The following HS6ST3 variants were observed in gnomAD, a reference collection of about 807,000 sequenced individuals.
HS6ST3 encodes heparan sulfate 6-O-sulfotransferase 3, also known as heparan-sulfate 6-O-sulfotransferase 3.
A neutral mutation model predicts 36.7 loss-of-function variants in HS6ST3; 12 were observed. The ratio of observed to expected loss-of-function variants is 0.33; its 90% CI spans 0.21 to 0.53. HS6ST3 has a LOEUF of 0.53. HS6ST3 is among the 20% of genes least tolerant of loss of function. The pLI, the probability that HS6ST3 is intolerant of heterozygous loss-of-function variation, is 0.95. For synonymous variants in HS6ST3, 240 were observed against 257.5 expected (o/e 0.93, Z 0.65); for missense variants, 584 against 640.9 (o/e 0.91, Z 0.96).
intron 1 of HS6ST3, among the ~76,000 whole-genome samples, chr13:96,786,261 C>T (rs1440001271): frequency 6.6e-6 from 1 of 152,176 alleles, no homozygotes; most frequent in Non-Finnish European, 1.5e-5. Context: ...CTCAGACCCT[C>T]TAACTAAAGC....
chr13:96,163,169 C>CA (rs2054144085), intron 1 of HS6ST3, among the ~76,000 whole-genome samples: 1 of 145,800 alleles, frequency 6.9e-6, no homozygotes, highest in Non-Finnish European at 1.5e-5. Flanking sequence ...TATGTAAGTA[C>CA]AATATTTTTT....
chr13:96,111,019 A>G (rs1447056192), intron 1 of HS6ST3, among the ~76,000 whole-genome samples: 1 of 152,154 alleles, frequency 6.6e-6, no homozygotes, highest in African/African-American at 2.4e-5. Flanking sequence ...ATAAAGATAT[A>G]CCATAGGTGA....
chr13:96,694,000 G>A (rs113389516), intron 1 of HS6ST3, among the ~76,000 whole-genome samples: 9 of 152,156 alleles, frequency 5.9e-5, no homozygotes, highest in East Asian at 1.9e-4. Flanking sequence ...TTAGTTTCCC[G>A]TCTATAGTTT....
intron 1 of HS6ST3, among the ~76,000 whole-genome samples, chr13:96,440,306 G>T (rs1407507194): frequency 1.3e-5 from 2 of 152,062 alleles, no homozygotes; most frequent in Non-Finnish European, 2.9e-5. Context: ...AATTAGCCAG[G>T]CATAGTGGCG....
rs67527212 is a variant in HS6ST3, at chr13:96,809,296, C to A, written c.708-23194C>A. ...AATTATGTTTGGCAGATTTAAGCAA[C>A]CCCAGAAAAGATTCAGGCTAGGAAT... On this transcript the variant is annotated intron_variant, in intron 1 of 1. Coordinates refer to ENST00000376705, the MANE Select transcript of HS6ST3 (RefSeq NM_153456.4). 9.1e-3 allele frequency among the ~76,000 whole-genome samples: 1,387 copies of A among 152,114 alleles called. 27 individuals carry two copies. Among genetic ancestry groups the A allele is most frequent in the African/African-American group, 0.032 (1,313 of 41,486 alleles).
At chr13:96,577,945 A>G (rs531376679) in intron 1 of HS6ST3, among the ~76,000 whole-genome samples, 5 of 152,354 alleles carry the variant, frequency 3.3e-5, no homozygotes, top group African/African-American at 1.2e-4. Context: ...CTTTTTAATT[A>G]CATTTTATTG....
At position 96,830,216 on chromosome 13, in the gene HS6ST3, A is replaced by G. The variant is rs114568094; in HGVS notation, c.708-2274A>G. On this transcript the variant is annotated intron_variant, in intron 1 of 1. Transcript: ENST00000376705. Reference sequence around the variant, plus strand: ...TAGGCTAAGCTATGATGTTTGGTAGATTAAGTGTACTCAATGCACTTTCAA... The same window carrying G: ...TAGGCTAAGCTATGATGTTTGGTAGGTTAAGTGTACTCAATGCACTTTCAA... Among the ~76,000 whole-genome samples the G allele has an allele frequency of 5.5e-3, 836 of 152,318 alleles. 6 individuals are homozygous for G. The highest frequency in any genetic ancestry group is 0.018 in the African/African-American group (761 of 41,572).
At chr13:96,265,249 C>G (rs2054686102) in intron 1 of HS6ST3, among the ~76,000 whole-genome samples, 1 of 152,004 alleles carries the variant, frequency 6.6e-6, no homozygotes, top group African/African-American at 2.4e-5. Context: ...GATCATGGCT[C>G]ACTGTAGCCT....
intron 1 of HS6ST3, among the ~76,000 whole-genome samples, chr13:96,328,782 T>G (rs2139419150): frequency 6.6e-6 from 1 of 152,334 alleles, no homozygotes; most frequent in Admixed American, 6.5e-5. Context: ...GTACCTCTGG[T>G]AGAATTCGGC....
intron 1 of HS6ST3, among the ~76,000 whole-genome samples, chr13:96,532,800 A>G (rs1248159948): frequency 6.6e-6 from 1 of 152,180 alleles, no homozygotes; most frequent in Non-Finnish European, 1.5e-5. Context: ...GCTACAGGAG[A>G]AAATTTGTGC....
chr13:96,221,816 G>A (rs2054457045), intron 1 of HS6ST3, among the ~76,000 whole-genome samples: 1 of 152,148 alleles, frequency 6.6e-6, no homozygotes, highest in Admixed American at 6.5e-5. Context: ...CCTATGTACT[G>A]GAGTACTGGG....
At chr13:96,524,060 T>C (rs2056104286) in intron 1 of HS6ST3, among the ~76,000 whole-genome samples, 1 of 152,162 alleles carries the variant, frequency 6.6e-6, no homozygotes, top group Non-Finnish European at 1.5e-5. Context: ...ATGTCCTTCT[T>C]GTTGATGTTG....
At chr13:96,708,496 T>G (rs945497715) in intron 1 of HS6ST3, among the ~76,000 whole-genome samples, 2 of 152,210 alleles carry the variant, frequency 1.3e-5, no homozygotes, top group Non-Finnish European at 2.9e-5. Flanking sequence ...ATATTCAATT[T>G]GCTTAGCACA....
chr13:96,152,907 C>G (rs1437522196), intron 1 of HS6ST3, among the ~76,000 whole-genome samples: 3 of 152,124 alleles, frequency 2.0e-5, no homozygotes, highest in Non-Finnish European at 2.9e-5. Flanking sequence ...TTGTGATTTT[C>G]CAAAATTGCT....
chr13:96,598,925 T>C (rs2056411775), intron 1 of HS6ST3, among the ~76,000 whole-genome samples: 1 of 152,148 alleles, frequency 6.6e-6, no homozygotes. Context: ...TCTATTGAGA[T>C]GATCATATGG....
At position 96,456,415 on chromosome 13, in the gene HS6ST3, C is replaced by T. The variant is rs75479918; in HGVS notation, c.707+364846C>T. Among the ~76,000 whole-genome samples, 585 of 152,196 alleles carry T rather than the reference C, an allele frequency of 3.8e-3. 4 individuals are homozygous for T. Among genetic ancestry groups the T allele is most frequent in the African/African-American group, 0.014 (564 of 41,542 alleles). ...TTATCTAGATTTGAATATCCAGTAGCCCTCTACCCCAATTACATGAATTAC... is the reference window on the plus strand; with the variant it reads ...TTATCTAGATTTGAATATCCAGTAGTCCTCTACCCCAATTACATGAATTAC... On this transcript the variant is annotated intron_variant, in intron 1 of 1. Transcript: ENST00000376705.
In HS6ST3 at chr13:96,824,496, G is replaced by C. The variant is rs76612431; in HGVS notation, c.708-7994G>C. Among the ~76,000 whole-genome samples, 590 of 152,328 alleles carry C rather than the reference G, an allele frequency of 3.9e-3. 3 individuals are homozygous for C. Among genetic ancestry groups the C allele is most frequent in the African/African-American group, 0.014 (574 of 41,570 alleles). On this transcript the variant is annotated intron_variant, in intron 1 of 1. Coordinates refer to ENST00000376705, the MANE Select transcript of HS6ST3 (RefSeq NM_153456.4). ...TTGAATCAAAGGCCTTTTCGTAGCTGTGTCAAAGGGCAGTCTGATTGCTAA... is the reference window on the plus strand; with the variant it reads ...TTGAATCAAAGGCCTTTTCGTAGCTCTGTCAAAGGGCAGTCTGATTGCTAA...
chr13:96,676,214 G>A (rs1224045382), intron 1 of HS6ST3, among the ~76,000 whole-genome samples: 2 of 152,144 alleles, frequency 1.3e-5, no homozygotes, highest in Non-Finnish European at 2.9e-5. Context: ...GATTTCTTAT[G>A]AGGCCTCTCT....
intron 1 of HS6ST3, among the ~76,000 whole-genome samples, chr13:96,315,459 T>A (rs746194039): frequency 7.2e-5 from 11 of 152,198 alleles, no homozygotes; most frequent in Non-Finnish European, 1.5e-4. Flanking sequence ...GAACAATAAC[T>A]CTGGTACAAG....
Sources: gnomAD v4.1 joint callset for allele counts (sites outside exome capture counted in the v4.1 genomes callset) on GRCh38, gnomAD v4.1.1 for gene constraint, MANE v1.5 for transcripts, NCBI Gene and HGNC (gene_info 2026-07-23, HGNC 2026-07-21) for gene names.